MUC4: variants seen among roughly 807,000 people sequenced by gnomAD.
MUC4 encodes mucin-4.
MUC4 carries 202 observed loss-of-function variants against 257.9 expected under a neutral mutation model. The observed-to-expected ratio is 0.78, with a 90% CI of 0.70 to 0.88. The LOEUF (loss-of-function observed/expected upper bound fraction) is 0.88. Ranked by LOEUF, MUC4 falls within the 40% of genes least tolerant of loss-of-function variation. MUC4 has a pLI of 0.00. For synonymous variants in MUC4, 2,351 were observed against 2,757.1 expected (o/e 0.85, Z 4.62); for missense variants, 5,976 against 6,513.7 (o/e 0.92, Z 2.84).
chr3:195,753,975 A>C, intron 19 of MUC4: 1 of 491,814 alleles, frequency 2.0e-6, no homozygotes. Flanking sequence ...CTATGCCTGT[A>C]CAACCTCTTC....
At chr3:195,747,716 T>G (rs1275029649) in intron 24 of MUC4, among the ~76,000 whole-genome samples, 2 of 152,194 alleles carry the variant, frequency 1.3e-5, no homozygotes, top group Non-Finnish European at 2.9e-5. Context: ...AATACAAAAT[T>G]AGCCAGGCGT....
At chr3:195,776,474 C>T (rs1191732664) in intron 3 of MUC4, among the ~76,000 whole-genome samples, 1 of 20,752 alleles carries the variant, frequency 4.8e-5, no homozygotes. Context: ...ACCTTCCACA[C>T]CCATACCTTC....
chr3:195,807,598 C>T (rs116813996), intron 1 of MUC4, among the ~76,000 whole-genome samples: 1,750 of 152,232 alleles, frequency 0.011, 33 homozygotes, highest in African/African-American at 0.039. Flanking sequence ...CATGCTGGGG[C>T]GGGAACTCAG....
chr3:195,805,186 C>T (rs1385356885), intron 1 of MUC4, among the ~76,000 whole-genome samples: 3 of 151,938 alleles, frequency 2.0e-5, no homozygotes, highest in South Asian at 2.1e-4. Flanking sequence ...GACTCCAAGG[C>T]GAGAACTTTA....
chr3:195,811,853 G>C lies in MUC4; in HGVS notation c.-36C>G. 1 of 1,599,870 alleles carries C rather than the reference G, an allele frequency of 6.3e-7. No individual in the cohort carries two copies. The highest frequency in any genetic ancestry group is 8.6e-7 in the Non-Finnish European group (1 of 1,168,348). ...AAAGTCCCCCTGGCTCCCTGGGGAA[G>C]CTCCACGGCCCAGCAGCTGCAGTGT... is the stretch of plus-strand genomic sequence containing the variant. On this transcript the variant is annotated 5_prime_UTR_variant, in exon 1 of 25. Transcript: ENST00000463781.
At chr3:195,803,580 A>G (rs538337826) in intron 1 of MUC4, among the ~76,000 whole-genome samples, 1 of 152,376 alleles carries the variant, frequency 6.6e-6, no homozygotes, top group East Asian at 1.9e-4. Context: ...TATGAATAAT[A>G]CAAATGTTCA....
chr3:195,759,921 A>ACACACACACACACGCACGCACG (rs1553855211), intron 16 of MUC4, among the ~76,000 whole-genome samples: 5 of 151,792 alleles, frequency 3.3e-5, no homozygotes, highest in East Asian at 1.9e-4. Context: ...CTCCGTCAAC[A>ACACACACACACACGCACGCACG]CACACACACA....
Position 195,781,675 on chromosome 3 carries a change from G to GGGA in MUC4, c.9904_9905insTCC (p.Thr3302delinsIlePro), listed in dbSNP as rs1728150813. 8.4e-7 allele frequency: 1 copy of GGGA among 1,185,894 alleles called. No homozygotes were observed. The highest frequency in any genetic ancestry group is 2.0e-5 in the African/African-American group (1 of 50,854). 73.5% of individuals were successfully genotyped at this position (1,185,894 alleles called of 1,614,324 possible). On this transcript the variant is annotated protein_altering_variant, in exon 2 of 25. Coordinates refer to ENST00000463781, the MANE Select transcript of MUC4 (RefSeq NM_018406.7). ...GGCGTGACCTGTGGATACTGAGGAA[G>GGGA]TCTCGGTGACAAGAAGAGGGGTGGT...
intron 4 of MUC4, 52 bp downstream of exon 4, chr3:195,774,120 A>G: frequency 6.5e-7 from 1 of 1,541,258 alleles, no homozygotes; most frequent in Non-Finnish European, 8.7e-7. Flanking sequence ...GAAGCAGGAG[A>G]GAGAAGTGGG....
Position 195,779,314 on chromosome 3 carries a change from G to A in MUC4, c.12266C>T (p.Ala4089Val), listed in dbSNP as rs868408725. 29,414 of 952,788 alleles carry A rather than the reference G, an allele frequency of 0.031. 11,528 individuals carry two copies. Among genetic ancestry groups the A allele is most frequent in the Non-Finnish European group, 0.034 (23,990 of 714,958 alleles). 59.0% of individuals were successfully genotyped at this position (952,788 alleles called of 1,614,324 possible). Residue 4089 changes from alanine (A) to valine (V), a missense_variant, in exon 2 of 25, where the codon GCA becomes GTA. Physicochemically the swap from Ala to Val is moderately conservative, Grantham distance 64 (BLOSUM62 0). Transcript: ENST00000463781. ...AAGAGGGGTGGCGTGACCGGTGGATGCTGAGGAAGCATCGGTGACAGGAAG... is the reference window on the plus strand; with the variant it reads ...AAGAGGGGTGGCGTGACCGGTGGATACTGAGGAAGCATCGGTGACAGGAAG... Reference protein sequence around the residue: ...STLPVTDASSASTGHATPLPL... With the variant: ...STLPVTDASSVSTGHATPLPL...
At position 195,785,835 on chromosome 3, in the gene MUC4, T is replaced by A; in HGVS notation, c.5745A>T (p.Thr1915=). The A allele has an allele frequency of 1.3e-6, 2 of 1,518,790 alleles. No individual in the cohort carries two copies. 94.1% of individuals were successfully genotyped at this position (1,518,790 alleles called of 1,614,324 possible). Reference sequence around the variant, plus strand: ...TGACAGGAAGAGAGGTGGCGTGACCTGTGGATACTGAGGAAGCGTCGGTGA... The same window carrying A: ...TGACAGGAAGAGAGGTGGCGTGACCAGTGGATACTGAGGAAGCGTCGGTGA... ...LHVTDASSVS[T]GHATSLPVTS... Residue 1915 remains threonine, a synonymous_variant, in exon 2 of 25, where the codon ACA becomes ACT. Coordinates refer to ENST00000463781, the MANE Select transcript of MUC4 (RefSeq NM_018406.7).
rs777496809 is a variant in MUC4 at position 195,753,112 on chromosome 3, TG to T, written c.15446del (p.Pro5149GlnfsTer21). 1 of 1,612,598 alleles carries T rather than the reference TG, an allele frequency of 6.2e-7. No individual in the cohort carries two copies. The highest frequency in any genetic ancestry group is 8.5e-7 in the Non-Finnish European group (1 of 1,179,476). On this transcript the variant is annotated frameshift_variant, in exon 20 of 25. Transcript: ENST00000463781. LOFTEE classifies it high-confidence loss of function. ...LGCQPMCTCP[P>X]AFTDSRCFLA... The stretch of plus-strand genomic sequence containing the variant: ...GGAAGCAGCGGCTGTCAGTGAAGGC[TG>T]GGGGGCAGGTGCACATGGGCTGACA...
chr3:195,775,934 GTCATACCTTCCACA>G (rs1724541258), intron 3 of MUC4, among the ~76,000 whole-genome samples: 4 of 15,760 alleles, frequency 2.5e-4, no homozygotes, highest in Non-Finnish European at 2.1e-4. Flanking sequence ...ACCTTCCACA[GTCATACCTTCCACA>G]CCCATACCTT....
At chr3:195,793,233 C>T (rs1314517967) in intron 1 of MUC4, among the ~76,000 whole-genome samples, 4 of 151,916 alleles carry the variant, frequency 2.6e-5, no homozygotes, top group Admixed American at 6.6e-5. Flanking sequence ...CATGGTAGCC[C>T]CACCTGCAAT....
chr3:195,789,498 G>C lies in MUC4; in HGVS notation c.2082C>G (p.Thr694=), dbSNP rs1383793872. The change falls in exon 2 of 25, where the codon ACC becomes ACG. Residue 694 remains threonine, a synonymous_variant. Coordinates refer to ENST00000463781, the MANE Select transcript of MUC4 (RefSeq NM_018406.7). ...QDAPTISAAT[T]FAPAPTGDGH... is the part of the protein sequence containing the mutation. The stretch of plus-strand genomic sequence containing the variant: ...CATCCCCGGTGGGAGCTGGGGCAAA[G>C]GTTGTTGCTGCACTTATGGTGGGTG... The C allele has an allele frequency of 6.2e-7, 1 of 1,613,916 alleles. No homozygotes were observed. The highest frequency in any genetic ancestry group is 8.5e-7 in the Non-Finnish European group (1 of 1,179,860).
Position 195,789,142 on chromosome 3 carries a change from G to C in MUC4, c.2438C>G (p.Thr813Arg). The C allele has an allele frequency of 3.1e-6, 5 of 1,613,778 alleles. No individual in the cohort carries two copies. Among genetic ancestry groups the C allele is most frequent in the Non-Finnish European group, 4.2e-6 (5 of 1,179,848 alleles). ...TATTCCTTCGCTTCCTGAAGGTGTT[G>C]TGCCACTCGCCCCGGATGAGGAAGG... Reference protein sequence around the residue: ...ATPSSSGASGTTPSGSEGIST... With the variant: ...ATPSSSGASGRTPSGSEGIST... Residue 813 changes from threonine to arginine, a missense_variant, in exon 2 of 25, where the codon ACA becomes AGA. Around this residue, in one of 44 missense-constraint regions of MUC4, gnomAD observed 1,583 missense variants for 1,257.4 expected, o/e 1.26. Coordinates refer to ENST00000463781, the MANE Select transcript of MUC4 (RefSeq NM_018406.7).
At chr3:195,763,091 C>T (rs971477287) in intron 12 of MUC4, 146 bp from the exon 13 acceptor site, 7 of 698,904 alleles carry the variant, frequency 1.0e-5, no homozygotes, top group African/African-American at 1.8e-5. Flanking sequence ...TGATGCCAGC[C>T]GCCGTCTACC....
In MUC4 at chr3:195,765,077, C is replaced by T; in HGVS notation, c.13844G>A (p.Trp4615Ter). Residue 4615 changes from tryptophan (W) to a stop codon, truncating the protein, a stop_gained, in exon 10 of 25, where the codon TGG (tryptophan) becomes TAG (stop). Transcript: ENST00000463781. LOFTEE classifies it high-confidence loss of function. ...GSRQLCSFTS[W>*]RGGVCCSYGP... ...GTAGCTGCAGCACACGCCTCCTCGC[C>T]AAGAGGTGAAGCTGCACAGCTGCCT... is the stretch of plus-strand genomic sequence containing the variant. 1 of 1,613,826 alleles carries T rather than the reference C, an allele frequency of 6.2e-7. No individual in the cohort carries two copies.
chr3:195,782,881 G>C lies in MUC4; in HGVS notation c.8699C>G (p.Thr2900Ser), dbSNP rs200177049. The change falls in exon 2 of 25, where the codon ACC becomes AGC. Residue 2900 changes from threonine to serine, a missense_variant. Transcript: ENST00000463781. ...ACCTGTGGATACTGAGGAAAGGCTGGTGAGAGGAAGAGGGGTAGCGTGACC... is the reference window on the plus strand; with the variant it reads ...ACCTGTGGATACTGAGGAAAGGCTGCTGAGAGGAAGAGGGGTAGCGTGACC... ...STGHATPLPL[T>S]SLSSVSTGDT... is the part of the protein sequence containing the mutation. 8 of 1,522,144 alleles carry C rather than the reference G, an allele frequency of 5.3e-6. No individual in the cohort carries two copies. The highest frequency in any genetic ancestry group is 2.5e-5 in the East Asian group (1 of 40,410). The allele number at this position is 1,522,144 out of a possible 1,614,324, so 94.3% of individuals were successfully genotyped here.
Sources: allele counts gnomAD v4.1 joint callset (sites outside exome capture counted in the v4.1 genomes callset), GRCh38; gene constraint gnomAD v4.1.1; regional missense constraint gnomAD v4.1.1; transcripts MANE v1.5; gene names NCBI Gene and HGNC (gene_info 2026-07-23, HGNC 2026-07-21).